USP13: variants seen among roughly 807,000 people sequenced by gnomAD.
The protein encoded by USP13 is ubiquitin carboxyl-terminal hydrolase 13.
Under a neutral mutation model 107.8 loss-of-function variants are expected in USP13, and 68 were observed. That is an observed-to-expected ratio of 0.63 (90% CI 0.52 to 0.77). USP13 has a LOEUF of 0.77. Among genes scored for constraint, USP13 ranks in the 30% least tolerant of loss-of-function variants. The probability of loss-of-function intolerance (pLI) is 0.00; values close to 1 mark genes in which losing one functional copy is unlikely to be tolerated. For synonymous variants in USP13, 377 were observed against 389.5 expected (o/e 0.97, Z 0.38); for missense variants, 945 against 1,093.3 (o/e 0.86, Z 1.91).
chr3:179,706,959 T>A lies in USP13; in HGVS notation c.503T>A (p.Leu168His), dbSNP rs1712740475. The change falls in exon 5 of 21, where the codon CTC (leucine) becomes CAC (histidine). Residue 168 changes from leucine to histidine, a missense_variant. By Grantham distance (99) the Leu-to-His change is moderately conservative. Coordinates refer to ENST00000263966, the MANE Select transcript of USP13 (RefSeq NM_003940.3). ...GTAACAATTGCTTGTGATGCAGTTC[T>A]CAGCTCAAAATCTCCATACAGAAAG... ...ALVTIACDAVLSSKSPYRKQD... is the reference protein window; with the variant it reads ...ALVTIACDAVHSSKSPYRKQD... The A allele has an allele frequency of 3.1e-6, 5 of 1,614,060 alleles. No homozygotes were observed. In the East Asian group the frequency reaches 1.1e-4, roughly 36 times the overall value.
chr3:179,740,142 T>C lies in USP13; in HGVS notation c.1255-105T>C, dbSNP rs1714135083. On this transcript the variant is annotated intron_variant, in intron 10 of 20. Coordinates refer to ENST00000263966, the MANE Select transcript of USP13 (RefSeq NM_003940.3). ...ATTTACCTTCTTTGGGCTGTAGTTT[T>C]CTCATCTGGAAAGTGGAGTTTATGG... The C allele has an allele frequency of 4.0e-6, 6 of 1,506,234 alleles. No individual in the cohort carries two copies. The Admixed American group carries it at 9.4e-5, about 24-fold the overall frequency. The allele number at this position is 1,506,234 out of a possible 1,614,324, so 93.3% of individuals were successfully genotyped here. A position where few individuals can be genotyped will look rare whatever the true frequency, so the allele number is the denominator to read the frequency against.
At chr3:179,757,394 A>G (rs1714844724) in intron 16 of USP13, among the ~76,000 whole-genome samples, 1 of 152,174 alleles carries the variant, frequency 6.6e-6, no homozygotes, top group African/African-American at 2.4e-5. Flanking sequence ...GGGGCTAGCC[A>G]TGGCTACTGA....
Position 179,728,709 on chromosome 3 carries a change from G to C in USP13, c.1089-1480G>C, listed in dbSNP as rs1019200047. On this transcript the variant is annotated intron_variant, in intron 8 of 20. Transcript: ENST00000263966. ...TGGGCACCATTGAGCACTGAGTGAAGGAGACTCCGTCTGCAATCCCGGCAC... is the reference window on the plus strand; with the variant it reads ...TGGGCACCATTGAGCACTGAGTGAACGAGACTCCGTCTGCAATCCCGGCAC... 8.5e-5 allele frequency among the ~76,000 whole-genome samples: 13 copies of C among 152,322 alleles called. No homozygotes were observed. In the South Asian group the frequency reaches 1.9e-3, roughly 22 times the overall value.
At chr3:179,689,211 A>G (rs370929183) in intron 2 of USP13, among the ~76,000 whole-genome samples, 17 of 152,346 alleles carry the variant, frequency 1.1e-4, no homozygotes, top group African/African-American at 4.1e-4. Flanking sequence ...TAGTAACTGA[A>G]AAAACATACA....
intron 10 of USP13, among the ~76,000 whole-genome samples, chr3:179,734,533 G>A (rs527579621): frequency 4.6e-5 from 7 of 152,224 alleles, no homozygotes; most frequent in Non-Finnish European, 8.8e-5. Context: ...TTTCATCAAC[G>A]TGAGATAACC....
chr3:179,762,791 T>G (rs1376783171), intron 17 of USP13, among the ~76,000 whole-genome samples: 2 of 152,216 alleles, frequency 1.3e-5, no homozygotes, highest in Non-Finnish European at 2.9e-5. Flanking sequence ...GGTAACTCTA[T>G]ATTTAATTTT....
intron 8 of USP13, among the ~76,000 whole-genome samples, chr3:179,723,725 A>C (rs1713412167): frequency 6.6e-6 from 1 of 152,192 alleles, no homozygotes; most frequent in South Asian, 2.1e-4. Flanking sequence ...CTATTCATAC[A>C]TGTCTTCAGT....
intron 13 of USP13, among the ~76,000 whole-genome samples, chr3:179,749,601 C>T (rs1024684336): frequency 6.6e-6 from 1 of 152,148 alleles, no homozygotes. Context: ...GTGAGCGATT[C>T]AACTTGAGAC....
intron 4 of USP13, among the ~76,000 whole-genome samples, chr3:179,704,832 C>T (rs1434996349): frequency 4.6e-5 from 7 of 152,100 alleles, no homozygotes; most frequent in South Asian, 2.1e-4. Context: ...TTGTTGAGGC[C>T]GGGGACCTCC....
chr3:179,694,132 C>G (rs1167112647), intron 3 of USP13, among the ~76,000 whole-genome samples: 1 of 151,872 alleles, frequency 6.6e-6, no homozygotes, highest in Non-Finnish European at 1.5e-5. Context: ...CGCCACCATG[C>G]CTGGCTAATT....
At chr3:179,741,086 T>A (rs1361346994) in intron 11 of USP13, among the ~76,000 whole-genome samples, 1 of 152,132 alleles carries the variant, frequency 6.6e-6, no homozygotes, top group East Asian at 1.9e-4. Flanking sequence ...TAAAGCCTTT[T>A]TTTTTTTTCC....
chr3:179,763,203 C>G (rs1287190024), intron 17 of USP13, among the ~76,000 whole-genome samples: 2 of 152,156 alleles, frequency 1.3e-5, no homozygotes, highest in Non-Finnish European at 2.9e-5. Flanking sequence ...CTTTGAAGCA[C>G]AAACATTTTT....
At chr3:179,696,327 C>CA (rs1712323860) in intron 3 of USP13, among the ~76,000 whole-genome samples, 1 of 56,568 alleles carries the variant, frequency 1.8e-5, no homozygotes, top group African/African-American at 6.2e-5. Context: ...AGCCATTAGG[C>CA]ATTTTTTTTT....
At chr3:179,738,920 A>G (rs1714085703) in intron 10 of USP13, among the ~76,000 whole-genome samples, 1 of 152,128 alleles carries the variant, frequency 6.6e-6, no homozygotes, top group Non-Finnish European at 1.5e-5. Context: ...TCCATAGTCA[A>G]GGGTCAAGGG....
At chr3:179,681,830 T>C (rs1175947894) in intron 1 of USP13, 48 bp from the exon 2 acceptor site, 2 of 1,589,200 alleles carry the variant, frequency 1.3e-6, no homozygotes, top group Non-Finnish European at 1.7e-6. Flanking sequence ...TACATCTGAC[T>C]ACTGGGCTAG....
intron 1 of USP13, among the ~76,000 whole-genome samples, chr3:179,661,821 TTC>T (rs1443501041): frequency 6.6e-6 from 1 of 152,220 alleles, no homozygotes; most frequent in East Asian, 1.9e-4. Flanking sequence ...ATACTGATTT[TTC>T]CAGTAAGAGA....
chr3:179,692,735 C>A (rs945670206), intron 3 of USP13, among the ~76,000 whole-genome samples: 5 of 151,988 alleles, frequency 3.3e-5, no homozygotes, highest in Non-Finnish European at 7.4e-5. Context: ...GTTAGCTGAC[C>A]TTGGCCTTTA....
At chr3:179,736,476 G>C (rs1361432132) in intron 10 of USP13, among the ~76,000 whole-genome samples, 1 of 152,210 alleles carries the variant, frequency 6.6e-6, no homozygotes, top group Non-Finnish European at 1.5e-5. Context: ...TAAGCTTGAA[G>C]TAGATGAGTT....
intron 18 of USP13, among the ~76,000 whole-genome samples, chr3:179,765,429 G>A (rs1204373604): frequency 1.3e-5 from 2 of 152,226 alleles, no homozygotes; most frequent in Admixed American, 6.5e-5. Context: ...AGCTAACATT[G>A]ATATAAACTT....
Sources: gnomAD v4.1 joint callset for allele counts (sites outside exome capture counted in the v4.1 genomes callset) on GRCh38, gnomAD v4.1.1 for gene constraint, MANE v1.5 for transcripts, NCBI Gene and HGNC (gene_info 2026-07-23, HGNC 2026-07-21) for gene names.